The following IL1RAPL1 variants were observed in gnomAD, a reference collection of about 807,000 sequenced individuals.
IL1RAPL1 encodes the protein interleukin 1 receptor accessory protein like 1.
IL1RAPL1 carries 3 observed loss-of-function variants against 48.4 expected under a neutral mutation model. The ratio of observed to expected loss-of-function variants is 0.06; its 90% confidence interval spans 0.03 to 0.16. IL1RAPL1 has a LOEUF of 0.16. Ranked by LOEUF, IL1RAPL1 falls within the 10% of genes least tolerant of loss-of-function variation. The probability of loss-of-function intolerance (pLI) is 1.00; values close to 1 mark genes in which losing one functional copy is unlikely to be tolerated. For missense variants in IL1RAPL1, 349 were observed against 530.6 expected, an observed-to-expected ratio of 0.66 and a Z score of 3.36; for synonymous variants, 185 against 187.7, an observed-to-expected ratio of 0.99 and a Z score of 0.12.
chrX:28,626,505 C>T (rs1934342849), intron 1 of IL1RAPL1, among the ~76,000 whole-genome samples: 1 of 111,792 alleles, frequency 8.9e-6, no homozygotes, highest in Admixed American at 9.5e-5. Flanking sequence ...TATAAGGTTG[C>T]TAACTCTTAG....
At chrX:28,762,823 CAGAGAGAGAGAG>C (rs146402299) in intron 1 of IL1RAPL1, among the ~76,000 whole-genome samples, 195 of 36,765 alleles carry the variant, frequency 5.3e-3, no homozygotes, top group African/African-American at 0.014. Flanking sequence ...CACACACACA[CAGAGAGAGAGAG>C]AGAGAGAGAG....
At chrX:29,592,158 G>A (rs977396696) in intron 5 of IL1RAPL1, among the ~76,000 whole-genome samples, 3 of 111,746 alleles carry the variant, frequency 2.7e-5, no homozygotes, top group East Asian at 2.8e-4. Flanking sequence ...GGTACATCAC[G>A]TGGGACAGAA....
At chrX:29,256,382 T>C (rs1230232028) in intron 2 of IL1RAPL1, among the ~76,000 whole-genome samples, 1 of 111,798 alleles carries the variant, frequency 8.9e-6, no homozygotes, top group Non-Finnish European at 1.9e-5. Flanking sequence ...AAATTAATCA[T>C]ATAAAAGGGA....
intron 5 of IL1RAPL1, among the ~76,000 whole-genome samples, chrX:29,455,547 A>G (rs977891751): frequency 3.3e-4 from 37 of 112,068 alleles, no homozygotes; most frequent in African/African-American, 1.2e-3. Flanking sequence ...CTTTAGCATC[A>G]AAATAAGCTT....
chrX:29,121,446 T>C (rs1436561394), intron 2 of IL1RAPL1, among the ~76,000 whole-genome samples: 1 of 111,877 alleles, frequency 8.9e-6, no homozygotes, highest in Non-Finnish European at 1.9e-5. Flanking sequence ...GTATCCCTTT[T>C]GCAACATGAT....
Position 29,638,232 on chromosome X carries a change from C to G in IL1RAPL1, c.704-30198C>G, listed in dbSNP as rs181678063. Among the ~76,000 whole-genome samples, 241 of 107,330 alleles carry G rather than the reference C, an allele frequency of 2.2e-3. 1 individual carries two copies. The highest frequency in any genetic ancestry group is 8.1e-3 in the African/African-American group (236 of 29,278). 93.2% of individuals were successfully genotyped at this position (107,330 alleles called of 115,157 possible). On this transcript the variant is annotated intron_variant, in intron 5 of 10. Transcript: ENST00000378993. The stretch of plus-strand genomic sequence containing the variant: ...TGCCACCTCACCTCCATTTGTCACT[C>G]TAGTAATGTTAACATCTGCTGTCAA...
At chrX:29,062,549 A>G (rs1200276472) in intron 2 of IL1RAPL1, among the ~76,000 whole-genome samples, 1 of 112,291 alleles carries the variant, frequency 8.9e-6, no homozygotes, top group African/African-American at 3.2e-5. Flanking sequence ...ATTTTCTTAA[A>G]GTAGTAATTA....
At chrX:29,532,024 C>T (rs985769577) in intron 5 of IL1RAPL1, among the ~76,000 whole-genome samples, 1 of 111,802 alleles carries the variant, frequency 8.9e-6, no homozygotes. Flanking sequence ...AACATATCTT[C>T]GCGGGGAGAG....
At chrX:28,668,772 A>C (rs948688003) in intron 1 of IL1RAPL1, among the ~76,000 whole-genome samples, 1 of 111,376 alleles carries the variant, frequency 9.0e-6, no homozygotes, top group African/African-American at 3.3e-5. Context: ...GCCACTGTCT[A>C]TGGCCTCTCA....
At chrX:28,965,405 A>G (rs1924894281) in intron 2 of IL1RAPL1, among the ~76,000 whole-genome samples, 1 of 111,586 alleles carries the variant, frequency 9.0e-6, no homozygotes. Flanking sequence ...ACAGGCAACA[A>G]CATTAAAGGT....
intron 5 of IL1RAPL1, among the ~76,000 whole-genome samples, chrX:29,433,059 C>G: frequency 9.1e-6 from 1 of 110,209 alleles, no homozygotes; most frequent in East Asian, 2.8e-4. Context: ...ACCATGAATA[C>G]ATGGTATGTC....
chrX:29,597,387 A>C (rs1923586992), intron 5 of IL1RAPL1, among the ~76,000 whole-genome samples: 1 of 111,086 alleles, frequency 9.0e-6, no homozygotes, highest in African/African-American at 3.3e-5. Context: ...TCCCAGCCTC[A>C]GGTGATCCAC....
At chrX:29,423,082 G>A in intron 5 of IL1RAPL1, among the ~76,000 whole-genome samples, 1 of 111,541 alleles carries the variant, frequency 9.0e-6, no homozygotes. Flanking sequence ...GCTACCTGGA[G>A]GCTTCATCTG....
At chrX:28,721,328 A>C (rs1935575118) in intron 1 of IL1RAPL1, among the ~76,000 whole-genome samples, 1 of 111,703 alleles carries the variant, frequency 9.0e-6, no homozygotes, top group South Asian at 3.7e-4. Context: ...TTTGATTTGC[A>C]TTTCTCTGAT....
At chrX:29,218,115 A>G (rs973356938) in intron 2 of IL1RAPL1, among the ~76,000 whole-genome samples, 2 of 111,915 alleles carry the variant, frequency 1.8e-5, no homozygotes, top group African/African-American at 6.5e-5. Context: ...ATGACAATGT[A>G]GAATAAATAT....
intron 2 of IL1RAPL1, among the ~76,000 whole-genome samples, chrX:29,035,561 G>A (rs1182849543): frequency 1.8e-5 from 2 of 111,050 alleles, no homozygotes; most frequent in Non-Finnish European, 3.8e-5. Flanking sequence ...AGAATTGCTT[G>A]AACCCAGGAG....
rs1199915412 is a variant in IL1RAPL1, at chrX:29,869,804, T to A, written c.779-47660T>A. ...TCTAGAAGAGACTGCATAGGAAAAA[T>A]GGGAAATTAAGGTGGAGGATGATGG... On this transcript the variant is annotated intron_variant, in intron 6 of 10. Coordinates refer to ENST00000378993, the MANE Select transcript of IL1RAPL1 (RefSeq NM_014271.4). 3.7e-5 allele frequency among the ~76,000 whole-genome samples: 4 copies of A among 108,282 alleles called. No homozygotes were observed. In the Admixed American group the frequency reaches 4.0e-4, roughly 11 times the overall value. 94.0% of individuals were successfully genotyped at this position (108,282 alleles called of 115,157 possible).
At chrX:28,674,916 C>T (rs1295186011) in intron 1 of IL1RAPL1, among the ~76,000 whole-genome samples, 1 of 111,591 alleles carries the variant, frequency 9.0e-6, no homozygotes, top group Non-Finnish European at 1.9e-5. Context: ...ATTTTATATA[C>T]CCAAATCTCT....
intron 2 of IL1RAPL1, among the ~76,000 whole-genome samples, chrX:29,232,066 A>G (rs1931211867): frequency 8.9e-6 from 1 of 111,768 alleles, no homozygotes. Context: ...TGTCGGCTTT[A>G]TGGTTTTATC....
Sources: allele counts gnomAD v4.1 joint callset (sites outside exome capture counted in the v4.1 genomes callset), GRCh38; gene constraint gnomAD v4.1.1; transcripts MANE v1.5; gene names NCBI Gene and HGNC (gene_info 2026-07-23, HGNC 2026-07-21).